Variants in UBE3C observed in about 807,000 individuals in gnomAD.
UBE3C encodes ubiquitin-protein ligase E3C.
UBE3C carries 42 observed loss-of-function variants against 129.4 expected under a neutral mutation model. That is an observed-to-expected ratio of 0.32 (90% CI 0.25 to 0.42). The LOEUF (loss-of-function observed/expected upper bound fraction) is 0.42. UBE3C is among the 10% of genes least tolerant of loss of function. The pLI is 1.00. For missense variants in UBE3C, 1,049 were observed against 1,319.1 expected, an observed-to-expected ratio of 0.80 and a Z score of 3.17; for synonymous variants, 510 against 492.4, an observed-to-expected ratio of 1.04 and a Z score of -0.47.
rs749155877 is a variant in UBE3C at position 157,256,988 on chromosome 7, C to T, written c.3025C>T (p.Arg1009Cys). Residue 1009 changes from arginine to cysteine, a missense_variant, in exon 22 of 23, where the codon CGC becomes TGC. Arg to Cys is a radical substitution (Grantham distance 180). Around this residue, in one of 4 missense-constraint regions of UBE3C, gnomAD observed 243 missense variants for 368.7 expected, o/e 0.66. Transcript: ENST00000348165. ...VVEGFTDEEKRKLLKFVTSCS... is the reference protein window; with the variant it reads ...VVEGFTDEEKCKLLKFVTSCS... ...GGAAGGGTTCACTGATGAAGAAAAG[C>T]GCAAACTGCTGAAGTTTGTAACAAG... 4.3e-5 allele frequency: 70 copies of T among 1,614,032 alleles called. No individual in the cohort carries two copies. Among genetic ancestry groups the T allele is most frequent in the Non-Finnish European group, 5.7e-5 (67 of 1,180,026 alleles).
At chr7:157,251,941 C>G (rs141985028) in intron 19 of UBE3C, among the ~76,000 whole-genome samples, 516 of 152,222 alleles carry the variant, frequency 3.4e-3, no homozygotes, top group Non-Finnish European at 3.8e-3. Flanking sequence ...TCAGACCAGC[C>G]TGGCCAACAT....
chr7:157,217,651 A>G (rs1795619303), intron 14 of UBE3C, among the ~76,000 whole-genome samples: 2 of 152,222 alleles, frequency 1.3e-5, no homozygotes, highest in South Asian at 2.1e-4. Context: ...CCTGGCCAAC[A>G]TGGCGAAACC....
chr7:157,168,488 A>T (rs1385292378), intron 2 of UBE3C, among the ~76,000 whole-genome samples: 2 of 152,218 alleles, frequency 1.3e-5, no homozygotes, highest in African/African-American at 4.8e-5. Flanking sequence ...AAACTTATAT[A>T]TGAATGTTCA....
chr7:157,207,832 G>A lies in UBE3C; in HGVS notation c.1706G>A (p.Arg569Gln), dbSNP rs1563056432. The A allele has an allele frequency of 1.9e-6, 3 of 1,614,028 alleles. No individual in the cohort carries two copies. Among genetic ancestry groups the A allele is most frequent in the East Asian group, 2.2e-5 (1 of 44,876 alleles). Residue 569 changes from arginine to glutamine, a missense_variant, in exon 13 of 23, where the codon CGA becomes CAA. This residue lies in a region of UBE3C where 314 missense variants were observed against 416.9 expected (regional missense o/e 0.75). Coordinates refer to ENST00000348165, the MANE Select transcript of UBE3C (RefSeq NM_014671.3). Reference protein sequence around the residue: ...LAYPETKPEVREEYITAFQSI... With the variant: ...LAYPETKPEVQEEYITAFQSI... ...TATCCAGAAACCAAGCCAGAAGTTC[G>A]AGAAGAATATATTACAGCATTTCAG...
chr7:157,209,113 G>A (rs1318686556), intron 13 of UBE3C, among the ~76,000 whole-genome samples: 1 of 152,136 alleles, frequency 6.6e-6, no homozygotes, highest in African/African-American at 2.4e-5. Context: ...GGCCATGTTT[G>A]GAGAAAGATG....
At chr7:157,262,408 G>C (rs1475203765) in intron 22 of UBE3C, among the ~76,000 whole-genome samples, 2 of 19,708 alleles carry the variant, frequency 1.0e-4, no homozygotes, top group Non-Finnish European at 2.6e-4. Context: ...CTCTTCATAG[G>C]CTTTTTTTTT....
intron 13 of UBE3C, among the ~76,000 whole-genome samples, chr7:157,210,203 T>G (rs1449297129): frequency 6.6e-6 from 1 of 152,106 alleles, no homozygotes; most frequent in African/African-American, 2.4e-5. Flanking sequence ...AAATTTACCT[T>G]TTTTTTGTTG....
At chr7:157,143,408 C>G (rs972879355) in intron 1 of UBE3C, among the ~76,000 whole-genome samples, 7 of 152,160 alleles carry the variant, frequency 4.6e-5, no homozygotes, top group African/African-American at 1.7e-4. Context: ...ATAGAAAGGT[C>G]AGAAACACCC....
At chr7:157,202,342 T>G (rs536845027) in intron 11 of UBE3C, among the ~76,000 whole-genome samples, 1 of 152,312 alleles carries the variant, frequency 6.6e-6, no homozygotes, top group South Asian at 2.1e-4. Context: ...AGTACTCTGT[T>G]GTTGAATTTT....
intron 13 of UBE3C, among the ~76,000 whole-genome samples, chr7:157,214,817 A>G (rs1288268818): frequency 6.6e-6 from 1 of 152,190 alleles, no homozygotes; most frequent in East Asian, 1.9e-4. Flanking sequence ...GAATTAGTGT[A>G]TTAGGTCAAT....
intron 18 of UBE3C, among the ~76,000 whole-genome samples, chr7:157,241,765 C>G (rs1387457525): frequency 1.3e-5 from 2 of 152,182 alleles, no homozygotes; most frequent in African/African-American, 2.4e-5. Flanking sequence ...GACTCAAAGG[C>G]CCATCAGCTG....
At chr7:157,260,249 A>G (rs1158124274) in intron 22 of UBE3C, among the ~76,000 whole-genome samples, 2 of 152,242 alleles carry the variant, frequency 1.3e-5, no homozygotes, top group Non-Finnish European at 2.9e-5. Flanking sequence ...CCTGAATGTT[A>G]CAACAGTGAG....
intron 1 of UBE3C, among the ~76,000 whole-genome samples, chr7:157,160,627 G>A (rs542188200): frequency 6.6e-6 from 1 of 152,268 alleles, no homozygotes; most frequent in African/African-American, 2.4e-5. Flanking sequence ...CTTAGTTGGT[G>A]TCTGCAAAAT....
At chr7:157,222,251 A>C (rs1795756758) in intron 15 of UBE3C, 2 of 152,106 alleles carry the variant, frequency 1.3e-5, no homozygotes, top group African/African-American at 2.4e-5. Context: ...GTGATTTGCA[A>C]ATATTTTGTC....
intron 10 of UBE3C, chr7:157,192,700 A>G (rs1563049987): frequency 1.3e-6 from 1 of 794,492 alleles, no homozygotes; most frequent in African/African-American, 1.7e-5. Flanking sequence ...GAGAATGACA[A>G]AATGAGCTGC....
chr7:157,250,101 A>G (rs977213933), intron 19 of UBE3C, among the ~76,000 whole-genome samples: 1 of 152,214 alleles, frequency 6.6e-6, no homozygotes, highest in Non-Finnish European at 1.5e-5. Flanking sequence ...AGGGGCAGGA[A>G]GTGGGGCTAT....
chr7:157,263,477 AACATGGCG>A (rs749448386), intron 22 of UBE3C, among the ~76,000 whole-genome samples: 1 of 152,200 alleles, frequency 6.6e-6, no homozygotes, highest in Non-Finnish European at 1.5e-5. Flanking sequence ...CAGCCTGGCC[AACATGGCG>A]AAACCCCATC....
chr7:157,180,587 G>A (rs538237382), intron 6 of UBE3C, among the ~76,000 whole-genome samples: 32 of 127,148 alleles, frequency 2.5e-4, no homozygotes, highest in South Asian at 1.8e-3. Context: ...TACCAAATAC[G>A]CTTGTATATG....
intron 11 of UBE3C, among the ~76,000 whole-genome samples, chr7:157,206,044 T>C (rs1007059699): frequency 2.6e-5 from 4 of 152,158 alleles, no homozygotes; most frequent in African/African-American, 9.7e-5. Context: ...TTTGTGGAAA[T>C]GGATATTTGG....
Sources: allele counts gnomAD v4.1 joint callset (sites outside exome capture counted in the v4.1 genomes callset), GRCh38; gene constraint gnomAD v4.1.1; regional missense constraint gnomAD v4.1.1; transcripts MANE v1.5; gene names NCBI Gene and HGNC (gene_info 2026-07-23, HGNC 2026-07-21).